The following TRIM24 variants were observed in gnomAD, a reference collection of about 807,000 sequenced individuals.
TRIM24 encodes the protein transcription intermediary factor 1-alpha.
Under a neutral mutation model 123.9 loss-of-function variants are expected in TRIM24, and 29 were observed. That is an observed-to-expected ratio of 0.23 (90% CI 0.17 to 0.32). The LOEUF (loss-of-function observed/expected upper bound fraction) is 0.32, where lower values mean the gene tolerates loss of function less well. TRIM24 is among the 10% of genes least tolerant of loss of function. The pLI is 1.00. For synonymous variants in TRIM24, 456 were observed against 461.1 expected (o/e 0.99, Z 0.14); for missense variants, 932 against 1,295.3 (o/e 0.72, Z 4.31).
chr7:138,568,017 C>G (rs1453753430), intron 10 of TRIM24, among the ~76,000 whole-genome samples: 2 of 152,152 alleles, frequency 1.3e-5, no homozygotes, highest in African/African-American at 4.8e-5. Context: ...AAGAAGATTT[C>G]TTGGAAACAA....
At chr7:138,505,509 G>GGTTGTTGTTGTTGTTGTT (rs59585473) in intron 2 of TRIM24, among the ~76,000 whole-genome samples, 1 of 143,820 alleles carries the variant, frequency 7.0e-6, no homozygotes, top group Non-Finnish European at 1.5e-5. Context: ...TGGGGGTGGT[G>GGTTGTTGTTGTTGTTGTT]GTTGTTGTTG....
chr7:138,545,160 C>CTGTGTG (rs1176340174), intron 7 of TRIM24, among the ~76,000 whole-genome samples: 1 of 148,326 alleles, frequency 6.7e-6, no homozygotes, highest in African/African-American at 2.5e-5. Flanking sequence ...TACATAAAAT[C>CTGTGTG]TGCGTGTGTG....
intron 2 of TRIM24, among the ~76,000 whole-genome samples, chr7:138,505,009 C>T (rs1796121997): frequency 6.7e-6 from 1 of 148,900 alleles, no homozygotes; most frequent in Non-Finnish European, 1.5e-5. Flanking sequence ...AATCCACCCG[C>T]CTCGGCCTCT....
chr7:138,471,319 A>C (rs995527075), intron 1 of TRIM24, among the ~76,000 whole-genome samples: 4 of 152,196 alleles, frequency 2.6e-5, no homozygotes, highest in African/African-American at 4.8e-5. Flanking sequence ...TGTACAGTAC[A>C]TGTTCAAATA....
At chr7:138,514,064 T>C (rs1211992575) in intron 2 of TRIM24, among the ~76,000 whole-genome samples, 1 of 152,178 alleles carries the variant, frequency 6.6e-6, no homozygotes, top group East Asian at 1.9e-4. Context: ...GAAGCAGAAG[T>C]CACTGGTATC....
At chr7:138,530,227 T>TAA (rs1211902008) in intron 6 of TRIM24, among the ~76,000 whole-genome samples, 4 of 142,928 alleles carry the variant, frequency 2.8e-5, no homozygotes, top group African/African-American at 1.0e-4. Context: ...TCTGTGACTT[T>TAA]AAAAAAAAAA....
In TRIM24 at chr7:138,514,092, T is replaced by C. The variant is rs532603644; in HGVS notation, c.484-1120T>C. On this transcript the variant is annotated intron_variant, in intron 2 of 18. Coordinates refer to ENST00000343526, the MANE Select transcript of TRIM24 (RefSeq NM_015905.3). Reference sequence around the variant, plus strand: ...CTGGTATCAAGTGATGTTAGAAAGATTGAAGATGATAAGAGCAGAGAAAAG... The same window carrying C: ...CTGGTATCAAGTGATGTTAGAAAGACTGAAGATGATAAGAGCAGAGAAAAG... Among the ~76,000 whole-genome samples the C allele has an allele frequency of 3.5e-4, 53 of 152,264 alleles. No homozygotes were observed. In the East Asian group the frequency reaches 9.1e-3, roughly 26 times the overall value.
intron 1 of TRIM24, among the ~76,000 whole-genome samples, chr7:138,483,571 GGATTCCT>G (rs1206731748): frequency 1.3e-5 from 2 of 152,114 alleles, no homozygotes; most frequent in Non-Finnish European, 1.5e-5. Flanking sequence ...GGTGAGGGAG[GGATTCCT>G]GCCATAGGAT....
chr7:138,492,273 C>CGA (rs1554434155), intron 1 of TRIM24, among the ~76,000 whole-genome samples: 5 of 60,026 alleles, frequency 8.3e-5, no homozygotes, highest in African/African-American at 1.5e-4. Flanking sequence ...ACTCTGTCTC[C>CGA]AAAAAAAAAA....
At chr7:138,541,268 G>A (rs1796997653) in intron 7 of TRIM24, among the ~76,000 whole-genome samples, 1 of 152,040 alleles carries the variant, frequency 6.6e-6, no homozygotes, top group African/African-American at 2.4e-5. Context: ...GCGCCACAGG[G>A]TGAGACCCTG....
chr7:138,462,933 G>T (rs1382126130), intron 1 of TRIM24, among the ~76,000 whole-genome samples: 2 of 149,558 alleles, frequency 1.3e-5, no homozygotes, highest in Admixed American at 6.7e-5. Flanking sequence ...GCAGTGGTGC[G>T]ATCTTGGCTC....
chr7:138,549,107 G>A (rs1360071993), intron 7 of TRIM24, among the ~76,000 whole-genome samples: 1 of 152,168 alleles, frequency 6.6e-6, no homozygotes, highest in Non-Finnish European at 1.5e-5. Flanking sequence ...AGCACTGTAG[G>A]TTTGTTTACA....
intron 7 of TRIM24, chr7:138,545,354 C>T (rs1584731414): frequency 2.2e-6 from 1 of 451,268 alleles, no homozygotes. Flanking sequence ...GGGAGGAATA[C>T]GGAAGTGGTA....
intron 6 of TRIM24, 42 bp downstream of exon 6, chr7:138,529,272 T>A: frequency 9.7e-7 from 1 of 1,027,908 alleles, no homozygotes; most frequent in Non-Finnish European, 1.4e-6. Context: ...TTCAACATAG[T>A]ATTTCCTAAA....
At chr7:138,499,635 A>G (rs2116517158) in intron 1 of TRIM24, among the ~76,000 whole-genome samples, 1 of 152,224 alleles carries the variant, frequency 6.6e-6, no homozygotes, top group East Asian at 1.9e-4. Context: ...AGGAACAGAA[A>G]CGGAGGCTCT....
intron 11 of TRIM24, among the ~76,000 whole-genome samples, chr7:138,571,696 TGTCA>T (rs1416368900): frequency 2.0e-5 from 3 of 152,250 alleles, no homozygotes; most frequent in African/African-American, 7.2e-5. Context: ...CCAAACTCTT[TGTCA>T]GTATGACTTT....
chr7:138,471,697 C>A (rs940492053), intron 1 of TRIM24, among the ~76,000 whole-genome samples: 1 of 151,998 alleles, frequency 6.6e-6, no homozygotes, highest in African/African-American at 2.4e-5. Flanking sequence ...CGCGCCACCA[C>A]AGTTGGCTAA....
chr7:138,477,633 C>CA lies in TRIM24; in HGVS notation c.364+16728dup, dbSNP rs1323759355. Among the ~76,000 whole-genome samples the CA allele has an allele frequency of 2.0e-5, 3 of 152,032 alleles. No individual in the cohort carries two copies. The East Asian group carries it at 5.8e-4, about 29-fold the overall frequency. ...TTCCTAGTATGCTATATTGTAAGCA[C>CA]AAAAAAACTTATATTGCATTCAGTG... On this transcript the variant is annotated intron_variant, in intron 1 of 18. Transcript: ENST00000343526.
At chr7:138,575,983 G>A (rs557131969) in intron 12 of TRIM24, among the ~76,000 whole-genome samples, 1 of 152,192 alleles carries the variant, frequency 6.6e-6, no homozygotes, top group Admixed American at 6.5e-5. Flanking sequence ...GTCTCACTGA[G>A]ATCTTACCCC....
Sources: gnomAD v4.1 joint callset for allele counts (sites outside exome capture counted in the v4.1 genomes callset) on GRCh38, gnomAD v4.1.1 for gene constraint, MANE v1.5 for transcripts, NCBI Gene and HGNC (gene_info 2026-07-23, HGNC 2026-07-21) for gene names.